Variants in GRK3 observed in about 807,000 individuals in gnomAD.
The protein encoded by GRK3 is G protein-coupled receptor kinase 3.
Under a neutral mutation model 95.7 loss-of-function variants are expected in GRK3, and 54 were observed. The ratio of observed to expected loss-of-function variants is 0.56; its 90% confidence interval spans 0.45 to 0.71. GRK3 has a LOEUF of 0.71. Ranked by LOEUF, GRK3 falls within the 30% of genes least tolerant of loss-of-function variation. GRK3 has a pLI of 0.00. For synonymous variants in GRK3, 281 were observed against 290.8 expected, an observed-to-expected ratio of 0.97 and a Z score of 0.34; for missense variants, 649 against 851.2, an observed-to-expected ratio of 0.76 and a Z score of 2.96.
At chr22:25,584,384 A>G (rs1289072370) in intron 1 of GRK3, among the ~76,000 whole-genome samples, 2 of 152,184 alleles carry the variant, frequency 1.3e-5, no homozygotes, top group Non-Finnish European at 2.9e-5. Flanking sequence ...TGTAGATGCT[A>G]CTGCCCTGTG....
intron 3 of GRK3, among the ~76,000 whole-genome samples, chr22:25,652,347 C>T (rs566418456): frequency 4.5e-4 from 68 of 152,234 alleles, no homozygotes; most frequent in African/African-American, 1.2e-3. Flanking sequence ...AGGAGAATGG[C>T]GTGAACCCGG....
At chr22:25,566,591 T>C (rs1469143869) in intron 1 of GRK3, among the ~76,000 whole-genome samples, 11 of 152,178 alleles carry the variant, frequency 7.2e-5, no homozygotes, top group Non-Finnish European at 1.5e-5. Context: ...GAGGGAAAAG[T>C]GCAAACCTTT....
chr22:25,691,405 A>G (rs1188391075), intron 12 of GRK3, among the ~76,000 whole-genome samples: 1 of 152,242 alleles, frequency 6.6e-6, no homozygotes, highest in Non-Finnish European at 1.5e-5. Flanking sequence ...CTGAACTGCA[A>G]TACTTTATGA....
chr22:25,657,655 T>C (rs1275272919), intron 3 of GRK3, among the ~76,000 whole-genome samples: 1 of 152,158 alleles, frequency 6.6e-6, no homozygotes, highest in African/African-American at 2.4e-5. Flanking sequence ...TTTTAGATAT[T>C]GTATTTATCC....
At chr22:25,619,642 C>T (rs955195615) in intron 2 of GRK3, among the ~76,000 whole-genome samples, 3 of 150,716 alleles carry the variant, frequency 2.0e-5, no homozygotes, top group East Asian at 1.9e-4. Flanking sequence ...CACGATCATA[C>T]CTGGCTAGTT....
chr22:25,653,721 T>A (rs1224940229), intron 3 of GRK3, among the ~76,000 whole-genome samples: 1 of 152,226 alleles, frequency 6.6e-6, no homozygotes, highest in Admixed American at 6.5e-5. Context: ...TGAGATGGAA[T>A]CTTGCTCTGT....
intron 15 of GRK3, among the ~76,000 whole-genome samples, chr22:25,707,318 C>T (rs2085307562): frequency 6.6e-6 from 1 of 152,136 alleles, no homozygotes; most frequent in South Asian, 2.1e-4. Flanking sequence ...ATGATGGGTA[C>T]AAAATGGAAC....
At chr22:25,703,119 A>AT (rs2085271407) in intron 13 of GRK3, 2 of 287,234 alleles carry the variant, frequency 7.0e-6, no homozygotes, top group South Asian at 6.5e-5. Context: ...ACCAATATCC[A>AT]TTTTTCTGAA....
At chr22:25,568,797 G>T (rs181169594) in intron 1 of GRK3, among the ~76,000 whole-genome samples, 264 of 152,272 alleles carry the variant, frequency 1.7e-3, no homozygotes, top group African/African-American at 6.0e-3. Flanking sequence ...TACTCTATAT[G>T]CATAGAATAT....
At chr22:25,645,846 G>A (rs1349341473) in intron 3 of GRK3, among the ~76,000 whole-genome samples, 1 of 151,932 alleles carries the variant, frequency 6.6e-6, no homozygotes, top group Non-Finnish European at 1.5e-5. Flanking sequence ...GTGTGAACCC[G>A]GGAGGTGGAA....
chr22:25,664,321 T>G (rs2146404045), intron 5 of GRK3, among the ~76,000 whole-genome samples: 1 of 152,270 alleles, frequency 6.6e-6, no homozygotes, highest in South Asian at 2.1e-4. Flanking sequence ...ATCCTGTGTT[T>G]TTTATAGAGG....
At chr22:25,704,891 A>G (rs374777204) in intron 15 of GRK3, among the ~76,000 whole-genome samples, 4 of 152,280 alleles carry the variant, frequency 2.6e-5, no homozygotes, top group African/African-American at 9.6e-5. Context: ...CATGCTCACT[A>G]TTCTCCTGCC....
rs546867120 is a variant in GRK3 at position 25,697,376 on chromosome 22, C to T, written c.1160+2162C>T. ...TTGGCTGTAATTCAGCTTTGGCATA[C>T]TGAACTGGAAGATATTAATTCCTTT... On this transcript the variant is annotated intron_variant, in intron 13 of 20. Transcript: ENST00000324198. 5.3e-5 allele frequency among the ~76,000 whole-genome samples: 8 copies of T among 152,334 alleles called. No individual in the cohort carries two copies. The South Asian group carries it at 1.7e-3, about 32-fold the overall frequency.
intron 16 of GRK3, 42 bp from the exon 17 acceptor site, chr22:25,711,026 C>A: frequency 1.5e-6 from 2 of 1,320,476 alleles, no homozygotes; most frequent in Non-Finnish European, 2.2e-6. Context: ...CAGGGCCATA[C>A]GATCATCTGA....
chr22:25,629,709 A>T (rs1299773107), intron 2 of GRK3, among the ~76,000 whole-genome samples: 1 of 152,134 alleles, frequency 6.6e-6, no homozygotes, highest in African/African-American at 2.4e-5. Flanking sequence ...TGAATGTCTT[A>T]TCCAACATCC....
intron 1 of GRK3, among the ~76,000 whole-genome samples, chr22:25,583,029 A>G (rs1932156261): frequency 6.6e-6 from 1 of 152,204 alleles, no homozygotes; most frequent in African/African-American, 2.4e-5. Flanking sequence ...TCTGTGGAGC[A>G]TGTTTTAGTT....
At chr22:25,599,041 A>G (rs1193349499) in intron 1 of GRK3, among the ~76,000 whole-genome samples, 2 of 152,220 alleles carry the variant, frequency 1.3e-5, no homozygotes, top group African/African-American at 4.8e-5. Context: ...TCCCTTAGAT[A>G]TTTATCTCCT....
At chr22:25,633,650 A>G (rs532293129) in intron 2 of GRK3, among the ~76,000 whole-genome samples, 22 of 152,288 alleles carry the variant, frequency 1.4e-4, no homozygotes, top group African/African-American at 5.1e-4. Context: ...TGTGTACCAT[A>G]TATATGAATA....
At chr22:25,583,357 CTTT>C (rs113355685) in intron 1 of GRK3, among the ~76,000 whole-genome samples, 4 of 135,574 alleles carry the variant, frequency 3.0e-5, no homozygotes, top group African/African-American at 1.1e-4. Context: ...TTTCTGTGTA[CTTT>C]TTTTTTTTTT....
Sources: gnomAD v4.1 joint callset for allele counts (sites outside exome capture counted in the v4.1 genomes callset) on GRCh38, gnomAD v4.1.1 for gene constraint, MANE v1.5 for transcripts, NCBI Gene and HGNC (gene_info 2026-07-23, HGNC 2026-07-21) for gene names.